Variants in TJP3 observed in about 807,000 individuals in gnomAD.
The protein encoded by TJP3 is tight junction protein ZO-3.
Under a neutral mutation model 104.2 loss-of-function variants are expected in TJP3, and 85 were observed. The ratio of observed to expected loss-of-function variants is 0.82; its 90% CI spans 0.68 to 0.98. The LOEUF is 0.98. TJP3 is among the 50% of genes least tolerant of loss of function. The pLI, the probability that TJP3 is intolerant of heterozygous loss-of-function variation, is 0.00. For synonymous variants in TJP3, 550 were observed against 550.6 expected, an observed-to-expected ratio of 1.00 and a Z score of 0.02; for missense variants, 1,367 against 1,322.8, an observed-to-expected ratio of 1.03 and a Z score of -0.52.
In TJP3 at chr19:3,738,682, G is replaced by A; in HGVS notation, c.1393+19G>A. 1 of 1,602,174 alleles carries A rather than the reference G, an allele frequency of 6.2e-7. No individual in the cohort carries two copies. Among genetic ancestry groups the A allele is most frequent in the South Asian group, 1.1e-5 (1 of 90,582 alleles). On this transcript the variant is annotated intron_variant, in intron 12 of 20. Transcript: ENST00000541714. ...CAGGACAGTGAGTGCGCGTGGATAT[G>A]GGTGTGCCTGTGTGTTGCGGGGGGA...
At chr19:3,719,133 G>A (rs539641243) in intron 1 of TJP3, among the ~76,000 whole-genome samples, 2 of 152,188 alleles carry the variant, frequency 1.3e-5, no homozygotes, top group South Asian at 4.2e-4. Context: ...GCAGTGAGCC[G>A]AGACTGCGCC....
intron 1 of TJP3, among the ~76,000 whole-genome samples, chr19:3,719,433 A>G (rs2036521617): frequency 6.6e-6 from 1 of 151,866 alleles, no homozygotes; most frequent in African/African-American, 2.4e-5. Context: ...ACCTTCATCT[A>G]TAAAATATGT....
intron 1 of TJP3, among the ~76,000 whole-genome samples, chr19:3,720,902 T>TTC (rs2036535497): frequency 7.6e-5 from 3 of 39,296 alleles, no homozygotes; most frequent in South Asian, 1.6e-3. Context: ...CTTCCTTTTC[T>TTC]TTTTTTTTTT....
At chr19:3,721,726 G>A (rs2036543618) in intron 1 of TJP3, 3 of 380,690 alleles carry the variant, frequency 7.9e-6, no homozygotes, top group Admixed American at 4.5e-5. Context: ...AGGAGGAAGA[G>A]GGGCAGGTGC....
intron 5 of TJP3, among the ~76,000 whole-genome samples, chr19:3,731,686 G>A (rs2036673329): frequency 6.6e-6 from 1 of 152,112 alleles, no homozygotes; most frequent in South Asian, 2.1e-4. Context: ...GATGTTATGA[G>A]CAATAGAATG....
chr19:3,727,887 A>G (rs1349564238), intron 1 of TJP3, among the ~76,000 whole-genome samples: 1 of 152,040 alleles, frequency 6.6e-6, no homozygotes, highest in African/African-American at 2.4e-5. Flanking sequence ...GACTGCAGTG[A>G]GCAGAGATTG....
Position 3,733,832 on chromosome 19 carries a change from T to G in TJP3, c.797T>G (p.Leu266Arg), listed in dbSNP as rs1210498239. ...GAGAAGTCAGAAGGGAAGCTAAGCC[T>G]GCTGGTGCTGAGAGATCGTGGGCAG... ...LIEKSEGKLS[L>R]LVLRDRGQFL... The change falls in exon 7 of 21, where the codon CTG becomes CGG. Residue 266 changes from leucine (L) to arginine (R), a missense_variant. By Grantham distance (102) the Leu-to-Arg change is moderately radical (BLOSUM62 -2). Coordinates refer to ENST00000541714, the MANE Select transcript of TJP3 (RefSeq NM_001267560.2). 2 of 1,614,238 alleles carry G rather than the reference T, an allele frequency of 1.2e-6. No homozygotes were observed. Among genetic ancestry groups the G allele is most frequent in the Admixed American group, 1.7e-5 (1 of 60,026 alleles).
chr19:3,748,217 A>C, intron 19 of TJP3, 136 bp downstream of exon 19: 1 of 1,166,206 alleles, frequency 8.6e-7, no homozygotes, highest in Non-Finnish European at 1.2e-6. Flanking sequence ...GGTTTCTGGG[A>C]CTCAGACCTG....
Position 3,746,864 on chromosome 19 carries a change from G to A in TJP3, c.2310G>A (p.Thr770=), listed in dbSNP as rs753980064. 7.5e-6 allele frequency: 12 copies of A among 1,608,224 alleles called. No homozygotes were observed. The highest frequency in any genetic ancestry group is 5.6e-5 in the South Asian group (5 of 89,764). Residue 770 remains threonine, a synonymous_variant, in exon 18 of 21, where the codon ACG becomes ACA. Transcript: ENST00000541714. This position sits in a 1 kb window ranked among gnomAD's most constrained non-coding sequence, Gnocchi z 4.1. ...AGCAGCAGACGCGGCCCATCTGGAC[G>A]GCGGAAGATCAGGTACTGCCGCGGT... ...IREQQTRPIW[T]AEDQLDGSLE...
intron 19 of TJP3, among the ~76,000 whole-genome samples, chr19:3,748,345 C>T (rs2036935761): frequency 6.7e-6 from 1 of 148,636 alleles, no homozygotes; most frequent in Non-Finnish European, 1.5e-5. Flanking sequence ...AATCTTGGCT[C>T]ACTGCAACCT....
chr19:3,735,299 A>G (rs2145689351), intron 8 of TJP3, among the ~76,000 whole-genome samples: 1 of 152,118 alleles, frequency 6.6e-6, no homozygotes, highest in African/African-American at 2.4e-5. Context: ...TCCCGGGTTC[A>G]AGCAATTCTC....
chr19:3,742,714 G>A lies in TJP3; in HGVS notation c.1844-1225G>A, dbSNP rs556924907. 4.9e-5 allele frequency among the ~76,000 whole-genome samples: 7 copies of A among 144,168 alleles called. No individual in the cohort carries two copies. In the South Asian group the frequency reaches 1.6e-3, roughly 33 times the overall value. The allele number at this position is 144,168 out of a possible 152,430, so 94.6% of individuals were successfully genotyped here. On this transcript the variant is annotated intron_variant, in intron 14 of 20. Coordinates refer to ENST00000541714, the MANE Select transcript of TJP3 (RefSeq NM_001267560.2). ...TCCCAGCACTTTGGGAGGCCGAGGT[G>A]TAATCCCAGCACTTTGGGAGGTGGG...
At chr19:3,737,253 C>T (rs2036749876) in intron 11 of TJP3, among the ~76,000 whole-genome samples, 1 of 152,130 alleles carries the variant, frequency 6.6e-6, no homozygotes, top group African/African-American at 2.4e-5. Context: ...ATGTCACAAT[C>T]TCCTTGTTAT....
In TJP3 at chr19:3,730,145, C is replaced by T. The variant is rs751514243; in HGVS notation, c.261+15C>T. The T allele has an allele frequency of 1.1e-5, 17 of 1,612,218 alleles. No homozygotes were observed. Among genetic ancestry groups the T allele is most frequent in the Middle Eastern group, 1.6e-4 (1 of 6,070 alleles). On this transcript the variant is annotated intron_variant, in intron 4 of 20. Coordinates refer to ENST00000541714, the MANE Select transcript of TJP3 (RefSeq NM_001267560.2). This position sits in a 1 kb window ranked among gnomAD's most constrained non-coding sequence, Gnocchi z 7.3. ...TGGCCAACATCGTGAGTAGGCAGCC[C>T]CTGGCATGGCCAGCATCTCTGACCC...
At position 3,740,676 on chromosome 19, in the gene TJP3, A is replaced by C; in HGVS notation, c.1756A>C (p.Lys586Gln). The C allele has an allele frequency of 6.2e-7, 1 of 1,607,580 alleles. No individual in the cohort carries two copies. Among genetic ancestry groups the C allele is most frequent in the Non-Finnish European group, 8.5e-7 (1 of 1,177,630 alleles). The part of the protein sequence containing the change: ...RLRGLRRGAK[K>Q]TTQRSREDLS... ...GCGGGGTCTTCGTCGAGGAGCCAAG[A>C]AGACCACTCAGCGGAGCCGTGAGGA... The change falls in exon 14 of 21, where the codon AAG (lysine) becomes CAG (glutamine). Residue 586 changes from lysine to glutamine, a missense_variant. Lys to Gln is a moderately conservative substitution (Grantham distance 53). Transcript: ENST00000541714.
intron 6 of TJP3, 47 bp from the exon 7 acceptor site, chr19:3,733,706 A>G (rs2036700591): frequency 1.2e-6 from 2 of 1,604,940 alleles, no homozygotes; most frequent in Non-Finnish European, 8.5e-7. Context: ...ACTGTCTCCC[A>G]TCTCTCATTA....
At chr19:3,732,143 A>G (rs936728441) in intron 6 of TJP3, 105 bp downstream of exon 6, 1 of 868,620 alleles carries the variant, frequency 1.2e-6, no homozygotes, top group South Asian at 1.9e-5. Flanking sequence ...GCCCCAAAGC[A>G]TTTACCTTCA....
At chr19:3,720,500 C>A (rs2036531298) in intron 1 of TJP3, among the ~76,000 whole-genome samples, 1 of 152,174 alleles carries the variant, frequency 6.6e-6, no homozygotes, top group Admixed American at 6.6e-5. Context: ...TAGCCACAAC[C>A]TGGGACTCCT....
rs559208055 is a variant in TJP3, at chr19:3,723,382, C to T, written c.-9-5042C>T. On this transcript the variant is annotated intron_variant, in intron 1 of 20. Transcript: ENST00000541714. ...GAGGCTGATGGCCAATCACCTGGGC[C>T]TTAAGTAGCCAGAGAGACAGACATG... Among the ~76,000 whole-genome samples, 5 of 152,212 alleles carry T rather than the reference C, an allele frequency of 3.3e-5. 1 individual carries two copies. The South Asian group carries it at 1.0e-3, about 32-fold the overall frequency.
Sources: gnomAD v4.1 joint callset for allele counts (sites outside exome capture counted in the v4.1 genomes callset) on GRCh38, gnomAD v4.1.1 for gene constraint, Gnocchi (gnomAD v3.1) non-coding constraint, MANE v1.5 for transcripts, NCBI Gene and HGNC (gene_info 2026-07-23, HGNC 2026-07-21) for gene names.